Variants in SLC5A8 observed in about 807,000 individuals in gnomAD.
The protein encoded by SLC5A8 is sodium-coupled monocarboxylate transporter 1.
SLC5A8 carries 55 observed loss-of-function variants against 71.9 expected under a neutral mutation model. The ratio of observed to expected loss-of-function variants is 0.77; its 90% CI spans 0.62 to 0.96. The LOEUF (loss-of-function observed/expected upper bound fraction) is 0.96. Ranked by LOEUF, SLC5A8 falls within the 40% of genes least tolerant of loss-of-function variation. The probability of loss-of-function intolerance (pLI) is 0.00; values close to 1 mark genes in which losing one functional copy is unlikely to be tolerated. For synonymous variants in SLC5A8, 307 were observed against 276.1 expected (o/e 1.11, Z -1.11); for missense variants, 701 against 745.3 (o/e 0.94, Z 0.69).
chr12:101,183,239 G>T lies in SLC5A8; in HGVS notation c.1053-324C>A, dbSNP rs549232217. ...TTTTTGTATTTTTAGTAGAGACAGG[G>T]TTTCACTGTGTTAGCCAGGATGGTC... On this transcript the variant is annotated intron_variant, in intron 8 of 14. Transcript: ENST00000536262. 1.6e-3 allele frequency among the ~76,000 whole-genome samples: 237 copies of T among 151,884 alleles called. 1 individual carries two copies. The highest frequency in any genetic ancestry group is 5.1e-3 in the African/African-American group (213 of 41,448).
intron 10 of SLC5A8, among the ~76,000 whole-genome samples, chr12:101,168,441 C>G (rs147109541): frequency 6.6e-6 from 1 of 152,190 alleles, no homozygotes; most frequent in Admixed American, 6.5e-5. Context: ...AGGTCTGCGA[C>G]AATGGTAGTG....
chr12:101,182,912 T>C lies in SLC5A8; in HGVS notation c.1056A>G (p.Thr352=). The C allele has an allele frequency of 6.6e-7, 1 of 1,525,600 alleles. No individual in the cohort carries two copies. Among genetic ancestry groups the C allele is most frequent in the Middle Eastern group, 1.7e-4 (1 of 5,812 alleles). 94.5% of individuals were successfully genotyped at this position (1,525,600 alleles called of 1,614,324 possible). ...CTAAGGCATTAATACTGGAGGACAC[T>C]GTGCTGTAAGGGAAAATAAAACTTT... is the stretch of plus-strand genomic sequence containing the variant. ...VACAYSGTLS[T]VSSSINALAA... The change falls in exon 9 of 15, where the codon ACA becomes ACG. Residue 352 remains threonine, a synonymous_variant. Transcript: ENST00000536262.
intron 5 of SLC5A8, among the ~76,000 whole-genome samples, chr12:101,192,934 T>C (rs566851519): frequency 3.0e-4 from 46 of 151,110 alleles, no homozygotes; most frequent in African/African-American, 9.2e-4. Flanking sequence ...GCTAATCCAA[T>C]ATGCTAGTGT....
intron 1 of SLC5A8, among the ~76,000 whole-genome samples, chr12:101,207,176 G>C (rs1025813734): frequency 1.3e-5 from 2 of 152,328 alleles, no homozygotes; most frequent in African/African-American, 4.8e-5. Flanking sequence ...TGCCTGCAGT[G>C]TGCCCACAAC....
intron 10 of SLC5A8, among the ~76,000 whole-genome samples, chr12:101,168,831 G>A (rs943631565): frequency 6.6e-6 from 1 of 152,116 alleles, no homozygotes; most frequent in African/African-American, 2.4e-5. Flanking sequence ...AGAGATATAC[G>A]TTCCCAATAA....
chr12:101,187,527 A>G lies in SLC5A8; in HGVS notation c.834-12T>C. ...TGATGTAGAGAGACCTAAAGAAGTG[A>G]AAACAAACCAGCAAAAGACAACTGT... is the stretch of plus-strand genomic sequence containing the variant. On this transcript the variant is annotated splice_polypyrimidine_tract_variant and intron_variant, in intron 6 of 14. Coordinates refer to ENST00000536262, the MANE Select transcript of SLC5A8 (RefSeq NM_145913.5). 6.3e-7 allele frequency: 1 copy of G among 1,589,792 alleles called. No homozygotes were observed. Among genetic ancestry groups the G allele is most frequent in the Non-Finnish European group, 8.5e-7 (1 of 1,171,010 alleles).
intron 10 of SLC5A8, among the ~76,000 whole-genome samples, chr12:101,172,781 G>A (rs145071736): frequency 1.5e-3 from 230 of 152,272 alleles, no homozygotes; most frequent in Middle Eastern, 3.4e-3. Flanking sequence ...GGGTGATGAG[G>A]ACCTACAGAG....
chr12:101,209,462 G>A (rs1247050226), intron 1 of SLC5A8, 36 bp downstream of exon 1: 2 of 1,496,230 alleles, frequency 1.3e-6, no homozygotes, highest in African/African-American at 1.4e-5. Flanking sequence ...CCCTTCCCCC[G>A]CGCCCTGCAT....
intron 11 of SLC5A8, among the ~76,000 whole-genome samples, chr12:101,167,497 GA>G (rs1219826430): frequency 2.6e-5 from 4 of 152,188 alleles, no homozygotes; most frequent in African/African-American, 9.6e-5. Context: ...GGGTTTCAGA[GA>G]AATAATTTCT....
intron 9 of SLC5A8, 50 bp downstream of exon 9, chr12:101,182,752 CA>C: frequency 1.5e-6 from 2 of 1,371,632 alleles, no homozygotes; most frequent in Non-Finnish European, 2.0e-6. Context: ...TTTTGTGTCT[CA>C]AAAAATCATC....
At chr12:101,192,842 T>C (rs1417540604) in intron 5 of SLC5A8, among the ~76,000 whole-genome samples, 1 of 151,980 alleles carries the variant, frequency 6.6e-6, no homozygotes, top group Non-Finnish European at 1.5e-5. Flanking sequence ...ACTCTCAAAG[T>C]TGCTTAAAAC....
intron 3 of SLC5A8, among the ~76,000 whole-genome samples, chr12:101,201,346 T>A (rs1262003386): frequency 6.6e-6 from 1 of 152,174 alleles, no homozygotes; most frequent in East Asian, 1.9e-4. Flanking sequence ...ATGTCTATCA[T>A]AAAATCAAGA....
At chr12:101,194,317 C>T (rs1477502197) in intron 4 of SLC5A8, among the ~76,000 whole-genome samples, 1 of 152,164 alleles carries the variant, frequency 6.6e-6, no homozygotes, top group African/African-American at 2.4e-5. Flanking sequence ...TCTACAAGAT[C>T]CAGCACCTAA....
chr12:101,204,911 T>C (rs556845372), intron 1 of SLC5A8, among the ~76,000 whole-genome samples: 1 of 152,250 alleles, frequency 6.6e-6, no homozygotes, highest in South Asian at 2.1e-4. Context: ...CCCTCTCTAG[T>C]TTGGCCTTTT....
chr12:101,168,009 C>T, intron 11 of SLC5A8, 87 bp downstream of exon 11: 2 of 1,266,902 alleles, frequency 1.6e-6, no homozygotes, highest in Non-Finnish European at 2.2e-6. Context: ...AATGACAAAT[C>T]TCAAAGGAAC....
intron 10 of SLC5A8, among the ~76,000 whole-genome samples, chr12:101,176,180 T>G (rs1372536988): frequency 1.3e-5 from 2 of 151,892 alleles, no homozygotes; most frequent in Non-Finnish European, 2.9e-5. Flanking sequence ...CATTAATCAA[T>G]GGAAAGTAGA....
chr12:101,175,877 T>C (rs2051875389), intron 10 of SLC5A8, among the ~76,000 whole-genome samples: 1 of 152,052 alleles, frequency 6.6e-6, no homozygotes. Flanking sequence ...AGAAGTTTTC[T>C]AAACAGAAAG....
chr12:101,191,429 A>T (rs2137156352), intron 5 of SLC5A8, among the ~76,000 whole-genome samples: 1 of 152,336 alleles, frequency 6.6e-6, no homozygotes, highest in East Asian at 1.9e-4. Context: ...ATTTGAGATC[A>T]GTTAAGTGCT....
intron 1 of SLC5A8, among the ~76,000 whole-genome samples, chr12:101,206,193 G>T (rs1267854919): frequency 2.6e-5 from 4 of 152,180 alleles, no homozygotes; most frequent in Non-Finnish European, 5.9e-5. Flanking sequence ...TGGGCCTGGA[G>T]AAAATTGAAT....
Sources: gnomAD v4.1 joint callset for allele counts (sites outside exome capture counted in the v4.1 genomes callset) on GRCh38, gnomAD v4.1.1 for gene constraint, MANE v1.5 for transcripts, NCBI Gene and HGNC (gene_info 2026-07-23, HGNC 2026-07-21) for gene names.